The following LRP1B variants were observed in gnomAD, a reference collection of about 807,000 sequenced individuals.
LRP1B encodes low-density lipoprotein receptor-related protein 1B.
Under a neutral mutation model 556.6 loss-of-function variants are expected in LRP1B, and 217 were observed. That is an observed-to-expected ratio of 0.39 (90% CI 0.35 to 0.44). The LOEUF (loss-of-function observed/expected upper bound fraction) is 0.44, where lower values mean the gene tolerates loss of function less well. Among genes scored for constraint, LRP1B ranks in the 20% least tolerant of loss-of-function variants. The pLI is 1.00. For synonymous variants in LRP1B, 2,047 were observed against 1,865.8 expected (o/e 1.10, Z -2.50); for missense variants, 5,053 against 5,620.8 (o/e 0.90, Z 3.23).
At chr2:140,841,926 T>TTACTC (rs3061458) in intron 29 of LRP1B, among the ~76,000 whole-genome samples, 130,794 of 151,692 alleles carry the variant, frequency 0.86, 56,880 homozygotes, top group East Asian at 0.98. Context: ...TAGCATTTGA[T>TTACTC]TACCTTGATT....
rs996575409 is a variant in LRP1B, at chr2:142,003,545, G to A, written c.82+127103C>T. On this transcript the variant is annotated intron_variant, in intron 1 of 90. Coordinates refer to ENST00000389484, the MANE Select transcript of LRP1B (RefSeq NM_018557.3). ...CTGCACAACCAGAAGCAATGACCCT[G>A]AGTGAGATTTCAGCAGAATGAGCAG... is the stretch of plus-strand genomic sequence containing the variant. Among the ~76,000 whole-genome samples, 4 of 152,272 alleles carry A rather than the reference G, an allele frequency of 2.6e-5. No homozygotes were observed. In the East Asian group the frequency reaches 7.7e-4, roughly 29 times the overall value.
chr2:141,538,559 A>T (rs1322325949), intron 2 of LRP1B, among the ~76,000 whole-genome samples: 2 of 152,114 alleles, frequency 1.3e-5, no homozygotes, highest in African/African-American at 4.8e-5. Flanking sequence ...GCCAGTGATT[A>T]ATCCACATCT....
chr2:142,023,284 C>A (rs1292007777), intron 1 of LRP1B, among the ~76,000 whole-genome samples: 4 of 152,178 alleles, frequency 2.6e-5, no homozygotes, highest in African/African-American at 9.7e-5. Flanking sequence ...CAATGCCCCA[C>A]CTTGGTCTAT....
intron 27 of LRP1B, among the ~76,000 whole-genome samples, chr2:140,854,102 AAGAG>A (rs1183477001): frequency 6.6e-6 from 1 of 151,776 alleles, no homozygotes; most frequent in East Asian, 1.9e-4. Context: ...GAAAAGAAAA[AAGAG>A]AGGAGTAAAA....
intron 3 of LRP1B, among the ~76,000 whole-genome samples, chr2:141,439,921 A>T (rs1296272014): frequency 1.3e-5 from 2 of 152,220 alleles, no homozygotes; most frequent in Admixed American, 1.3e-4. Context: ...TTCTAAGAAA[A>T]GTTTTGTTTT....
chr2:141,893,738 T>TAGATTTC (rs1188931160), intron 1 of LRP1B, among the ~76,000 whole-genome samples: 1 of 152,184 alleles, frequency 6.6e-6, no homozygotes, highest in Admixed American at 6.5e-5. Context: ...ACCTTGTATG[T>TAGATTTC]AGATTTCAAA....
rs2105138005 is a variant in LRP1B, at chr2:140,358,861, A to G, written c.11217T>C (p.Ile3739=). Residue 3739 remains isoleucine (I), a synonymous_variant, in exon 73 of 91, where the codon ATT becomes ATC. Transcript: ENST00000389484. ...CLQSEQMCNG[I]DECGDNSDED... ...CATCTGAATTGTCACCGCATTCATC[A>G]ATCCCATTGCACATTTGCTCCGACT... 2.5e-6 allele frequency: 4 copies of G among 1,609,352 alleles called. No homozygotes were observed. Among genetic ancestry groups the G allele is most frequent in the African/African-American group, 2.7e-5 (2 of 74,804 alleles).
chr2:141,689,411 T>C (rs1046075555), intron 2 of LRP1B, among the ~76,000 whole-genome samples: 1 of 151,814 alleles, frequency 6.6e-6, no homozygotes, highest in Admixed American at 6.6e-5. Context: ...ATTCTGCATA[T>C]GTAGATAAGG....
rs906569422 is a variant in LRP1B, at chr2:141,569,918, G to T, written c.206-89385C>A. Among the ~76,000 whole-genome samples the T allele has an allele frequency of 1.3e-4, 19 of 151,080 alleles. 1 individual carries two copies. The highest frequency in any genetic ancestry group is 2.0e-4 in the Admixed American group (3 of 15,126). On this transcript the variant is annotated intron_variant, in intron 2 of 90. Transcript: ENST00000389484. ...TTTTTCACATATGTCCTTACAGATGGCATTTTAAGATATTTGTAAGATATT... is the reference window on the plus strand; with the variant it reads ...TTTTTCACATATGTCCTTACAGATGTCATTTTAAGATATTTGTAAGATATT...
chr2:141,597,454 T>A (rs1687565084), intron 2 of LRP1B, among the ~76,000 whole-genome samples: 1 of 152,082 alleles, frequency 6.6e-6, no homozygotes. Flanking sequence ...AATAACATGT[T>A]CAATTTGCCC....
chr2:141,698,071 C>G (rs1215215002), intron 2 of LRP1B, among the ~76,000 whole-genome samples: 1 of 151,844 alleles, frequency 6.6e-6, no homozygotes, highest in Non-Finnish European at 1.5e-5. Flanking sequence ...GCTGCTTTTT[C>G]AGAGAAAAGC....
chr2:140,908,059 G>A lies in LRP1B; in HGVS notation c.3338C>T (p.Ala1113Val), dbSNP rs2105232441. ...CWSTGRCINK[A>V]WVCDGDIDCE... Reference sequence around the variant, plus strand: ...ATCAATATCTCCATCACACACCCATGCTTTGTTGATGCATCTCCCTTAAGA... The same window carrying A: ...ATCAATATCTCCATCACACACCCATACTTTGTTGATGCATCTCCCTTAAGA... The change falls in exon 22 of 91, where the codon GCA becomes GTA. Residue 1113 changes from alanine (A) to valine (V), a missense_variant. Physicochemically the swap from Ala to Val is moderately conservative, Grantham distance 64. Transcript: ENST00000389484. 1 of 1,613,052 alleles carries A rather than the reference G, an allele frequency of 6.2e-7. No individual in the cohort carries two copies. The highest frequency in any genetic ancestry group is 8.5e-7 in the Non-Finnish European group (1 of 1,179,416).
intron 41 of LRP1B, among the ~76,000 whole-genome samples, chr2:140,668,309 C>CAAAAAAAAAAAAAAAAA: frequency 1.7e-5 from 1 of 59,648 alleles, no homozygotes; most frequent in Non-Finnish European, 2.8e-5. Context: ...GACTCCGTCT[C>CAAAAAAAAAAAAAAAAA]AAAAAAAAAA....
chr2:141,639,848 AC>A (rs1475369406), intron 2 of LRP1B, among the ~76,000 whole-genome samples: 1 of 152,036 alleles, frequency 6.6e-6, no homozygotes, highest in African/African-American at 2.4e-5. Flanking sequence ...TATTTCTGCA[AC>A]CCCCACAACC....
intron 3 of LRP1B, among the ~76,000 whole-genome samples, chr2:141,470,473 A>C (rs1682419667): frequency 6.6e-6 from 1 of 152,184 alleles, no homozygotes; most frequent in African/African-American, 2.4e-5. Context: ...CTTCAGTTGA[A>C]ATTCTACAAG....
At chr2:140,559,357 T>C (rs1035918582) in intron 43 of LRP1B, among the ~76,000 whole-genome samples, 1 of 152,152 alleles carries the variant, frequency 6.6e-6, no homozygotes, top group Non-Finnish European at 1.5e-5. Context: ...AACAGGCTCA[T>C]ATATGTAGAA....
chr2:140,702,383 T>C (rs1686679752), intron 38 of LRP1B, 44 bp downstream of exon 38: 1 of 1,608,524 alleles, frequency 6.2e-7, no homozygotes, highest in Non-Finnish European at 8.5e-7. Flanking sequence ...AAATTAAAGT[T>C]GTCAGTTAAG....
At chr2:140,274,377 C>T (rs1262418140) in intron 85 of LRP1B, 47 bp downstream of exon 85, 12 of 1,509,634 alleles carry the variant, frequency 7.9e-6, no homozygotes, top group Non-Finnish European at 9.2e-6. Context: ...CTGCAATGTC[C>T]ATTGGTGTCC....
At chr2:140,651,969 T>G (rs1485133632) in intron 41 of LRP1B, among the ~76,000 whole-genome samples, 1 of 152,108 alleles carries the variant, frequency 6.6e-6, no homozygotes, top group African/African-American at 2.4e-5. Context: ...ATATGTTTCT[T>G]GAATATGGGT....
Sources: gnomAD v4.1 joint callset for allele counts (sites outside exome capture counted in the v4.1 genomes callset) on GRCh38, gnomAD v4.1.1 for gene constraint, MANE v1.5 for transcripts, NCBI Gene and HGNC (gene_info 2026-07-23, HGNC 2026-07-21) for gene names.